The following KNL1 variants were observed in gnomAD, a reference collection of about 807,000 sequenced individuals.
KNL1 encodes the protein outer kinetochore KNL1 complex subunit KNL1.
KNL1 carries 66 observed loss-of-function variants against 201.3 expected under a neutral mutation model. The observed-to-expected ratio is 0.33, with a 90% CI of 0.27 to 0.40. The LOEUF (loss-of-function observed/expected upper bound fraction) is 0.40, where lower values mean the gene tolerates loss of function less well. Ranked by LOEUF, KNL1 falls within the 10% of genes least tolerant of loss-of-function variation. KNL1 has a pLI of 1.00. For missense variants in KNL1, 2,815 were observed against 2,690.5 expected (o/e 1.05, Z -1.02); for synonymous variants, 895 against 899.2 (o/e 1.00, Z 0.08).
chr15:40,639,086 C>T (rs994502104), intron 13 of KNL1, among the ~76,000 whole-genome samples: 4 of 152,038 alleles, frequency 2.6e-5, no homozygotes, highest in Non-Finnish European at 5.9e-5. Flanking sequence ...AGCCTCTGCA[C>T]CCAGCCTGCC....
At chr15:40,600,364 C>T (rs1272587791) in intron 1 of KNL1, among the ~76,000 whole-genome samples, 2 of 152,226 alleles carry the variant, frequency 1.3e-5, no homozygotes, top group Non-Finnish European at 2.9e-5. Flanking sequence ...CATGGGCCAC[C>T]ACGCCCGGCT....
At chr15:40,595,407 G>A (rs1285124664) in intron 1 of KNL1, among the ~76,000 whole-genome samples, 1 of 152,220 alleles carries the variant, frequency 6.6e-6, no homozygotes, top group African/African-American at 2.4e-5. Context: ...TGAGGTGGAC[G>A]TTGGTTGGAG....
chr15:40,617,370 T>TCCACAAACTAA (rs749764142), intron 8 of KNL1, among the ~76,000 whole-genome samples: 150 of 152,334 alleles, frequency 9.8e-4, no homozygotes, highest in Non-Finnish European at 1.7e-3. Context: ...AAGTGTCCAG[T>TCCACAAACTAA]CCACAAACTA....
At position 40,606,453 on chromosome 15, in the gene KNL1, G is replaced by T; in HGVS notation, c.135+1G>T. On this transcript the variant is annotated splice_donor_variant, in intron 4 of 25. Coordinates refer to ENST00000399668, the MANE Select transcript of KNL1 (RefSeq NM_144508.5). LOFTEE classifies it high-confidence loss of function. ...CAGAGGTGGGAATGAAAGAGTTCAG[G>T]TAAGTCTTTTGTGCAAATACTTTAT... 6.6e-7 allele frequency: 1 copy of T among 1,517,722 alleles called. No individual in the cohort carries two copies. The highest frequency in any genetic ancestry group is 9.1e-7 in the Non-Finnish European group (1 of 1,093,182). The allele number at this position is 1,517,722 out of a possible 1,614,324, so 94.0% of individuals were successfully genotyped here. A position where few individuals can be genotyped will look rare whatever the true frequency, so the allele number is the denominator to read the frequency against.
At chr15:40,657,612 G>C in intron 24 of KNL1, 139 bp downstream of exon 24, 1 of 582,746 alleles carries the variant, frequency 1.7e-6, no homozygotes, top group Non-Finnish European at 3.1e-6. Context: ...ATCTGTCCAT[G>C]CCTTCTCCCA....
chr15:40,650,628 A>T (rs567336090), intron 19 of KNL1, 45 bp downstream of exon 19: 1 of 1,496,550 alleles, frequency 6.7e-7, no homozygotes, highest in East Asian at 2.4e-5. Flanking sequence ...GCTAAATCAC[A>T]GAAGGCTAGA....
chr15:40,613,038 A>T (rs1892222161), intron 7 of KNL1, among the ~76,000 whole-genome samples: 1 of 152,200 alleles, frequency 6.6e-6, no homozygotes, highest in Admixed American at 6.5e-5. Flanking sequence ...AGCGTTTATT[A>T]TAATAGTAAA....
intron 20 of KNL1, 127 bp downstream of exon 20, chr15:40,651,699 A>G (rs1212007182): frequency 4.8e-6 from 3 of 628,934 alleles, no homozygotes; most frequent in Non-Finnish European, 8.2e-6. Flanking sequence ...TGTTTCAAAA[A>G]GAGTCAGTGT....
chr15:40,612,655 T>C (rs1892208572), intron 7 of KNL1, among the ~76,000 whole-genome samples: 1 of 151,906 alleles, frequency 6.6e-6, no homozygotes, highest in African/African-American at 2.4e-5. Flanking sequence ...TAGCTGGGAC[T>C]ACAGGCGCCT....
intron 1 of KNL1, among the ~76,000 whole-genome samples, chr15:40,597,527 G>A (rs1891655201): frequency 6.6e-6 from 1 of 152,036 alleles, no homozygotes; most frequent in Admixed American, 6.6e-5. Flanking sequence ...CACCCACCTC[G>A]GCCTCCCAAA....
intron 4 of KNL1, among the ~76,000 whole-genome samples, chr15:40,608,483 C>T (rs1892047342): frequency 1.4e-5 from 2 of 148,002 alleles, no homozygotes; most frequent in South Asian, 4.3e-4. Flanking sequence ...GGGCCCATGG[C>T]TATAATCCCA....
intron 25 of KNL1, among the ~76,000 whole-genome samples, chr15:40,659,894 A>ATATGTGTGTGTG (rs1555423681): frequency 6.8e-6 from 1 of 146,872 alleles, no homozygotes; most frequent in Non-Finnish European, 1.5e-5. Context: ...TGAAGAATTT[A>ATATGTGTGTGTG]TGTGTGTGTG....
In KNL1 at chr15:40,624,804, A is replaced by T. The variant is rs1567010403; in HGVS notation, c.4540A>T (p.Thr1514Ser). 1 of 1,613,590 alleles carries T rather than the reference A, an allele frequency of 6.2e-7. No individual in the cohort carries two copies. The highest frequency in any genetic ancestry group is 1.7e-5 in the Admixed American group (1 of 59,990). ...AGAACTGAAGGAAAATATTCAAACA[A>T]CTAACTATAATACAGCTCTAGATTT... ...KKELKENIQT[T>S]NYNTALDFHS... is the part of the protein sequence containing the mutation. The change falls in exon 10 of 26, where the codon ACT becomes TCT. Residue 1514 changes from threonine to serine, a missense_variant. Transcript: ENST00000399668.
At chr15:40,648,964 G>A (rs550676211) in intron 17 of KNL1, among the ~76,000 whole-genome samples, 2 of 151,248 alleles carry the variant, frequency 1.3e-5, no homozygotes, top group East Asian at 3.9e-4. Flanking sequence ...CGAGTAGCTG[G>A]GATTACAGGC....
intron 1 of KNL1, among the ~76,000 whole-genome samples, chr15:40,599,120 A>T (rs183497185): frequency 2.6e-5 from 4 of 151,554 alleles, no homozygotes; most frequent in East Asian, 3.9e-4. Context: ...GAAAAAAAAA[A>T]TTTTTTTTAA....
intron 13 of KNL1, 84 bp from the exon 14 acceptor site, chr15:40,640,828 A>G: frequency 1.2e-6 from 1 of 802,730 alleles, no homozygotes; most frequent in Non-Finnish European, 2.1e-6. Flanking sequence ...ATTTTAAAAT[A>G]GGCACTCTGA....
intron 1 of KNL1, among the ~76,000 whole-genome samples, chr15:40,602,418 G>A (rs1891834129): frequency 6.8e-6 from 1 of 147,036 alleles, no homozygotes; most frequent in Non-Finnish European, 1.5e-5. Flanking sequence ...TTACAGGCAT[G>A]AGCCACCGCG....
At chr15:40,617,975 TAAAAAAAAAAAA>T (rs71104706) in intron 8 of KNL1, among the ~76,000 whole-genome samples, 8 of 47,224 alleles carry the variant, frequency 1.7e-4, no homozygotes, top group Admixed American at 3.5e-4. Context: ...AGGCTTTTAG[TAAAAAAAAAAAA>T]AAAAAAAAAA....
chr15:40,612,005 C>T (rs1387329852), intron 7 of KNL1, among the ~76,000 whole-genome samples: 1 of 151,974 alleles, frequency 6.6e-6, no homozygotes, highest in Non-Finnish European at 1.5e-5. Context: ...CATGATGAAA[C>T]CCCATCTCTA....
Sources: gnomAD v4.1 joint callset for allele counts (sites outside exome capture counted in the v4.1 genomes callset) on GRCh38, gnomAD v4.1.1 for gene constraint, MANE v1.5 for transcripts, NCBI Gene and HGNC (gene_info 2026-07-23, HGNC 2026-07-21) for gene names.